The following STK3 variants were observed in gnomAD, a reference collection of about 807,000 sequenced individuals.
STK3 encodes the protein serine/threonine kinase 3.
In STK3, 41 loss-of-function variants were observed where a neutral mutation model predicts 58.0. That is an observed-to-expected ratio of 0.71 (90% confidence interval 0.55 to 0.92). STK3 has a LOEUF of 0.92. Ranked by LOEUF, STK3 falls within the 40% of genes least tolerant of loss-of-function variation. The pLI, the probability that STK3 is intolerant of heterozygous loss-of-function variation, is 0.00. For missense variants in STK3, 479 were observed against 602.7 expected, an observed-to-expected ratio of 0.79 and a Z score of 2.15; for synonymous variants, 170 against 191.0, an observed-to-expected ratio of 0.89 and a Z score of 0.91.
intron 6 of STK3, among the ~76,000 whole-genome samples, chr8:98,610,165 T>A (rs1817078621): frequency 6.8e-6 from 1 of 147,110 alleles, no homozygotes; most frequent in Admixed American, 6.8e-5. Context: ...AAAGGAACTA[T>A]CTGGAATGTA....
the STK3 span, among the ~76,000 whole-genome samples, chr8:98,348,473 G>A: frequency 6.6e-6 from 1 of 152,182 alleles, no homozygotes; most frequent in South Asian, 2.1e-4. Flanking sequence ...TCAAGAGAAT[G>A]AGAAGACAAA....
chr8:98,824,668 C>G (rs1835137941), intron 1 of STK3, among the ~76,000 whole-genome samples: 1 of 152,186 alleles, frequency 6.6e-6, no homozygotes, highest in Non-Finnish European at 1.5e-5. Context: ...TCTAGTCACA[C>G]AATTCACAAT....
intron 3 of STK3, among the ~76,000 whole-genome samples, chr8:98,755,861 G>T (rs1180398791): frequency 6.6e-6 from 1 of 152,170 alleles, no homozygotes; most frequent in African/African-American, 2.4e-5. Context: ...AAAGAAGCAG[G>T]CCGGGCACGG....
chr8:98,367,740 A>G (rs1459011990), downstream of STK3, among the ~76,000 whole-genome samples: 1 of 152,236 alleles, frequency 6.6e-6, no homozygotes, highest in Admixed American at 6.5e-5. Context: ...GTGAAAGAAG[A>G]CAGCCTTTCG....
At chr8:98,856,232 G>T (rs918520911) in intron 3 of STK3, among the ~76,000 whole-genome samples, 1 of 150,244 alleles carries the variant, frequency 6.7e-6, no homozygotes, top group Non-Finnish European at 1.5e-5. Context: ...GGAGGCTGAG[G>T]TCTCAACCTG....
intron 10 of STK3, among the ~76,000 whole-genome samples, chr8:98,480,602 C>G (rs1481931259): frequency 6.6e-6 from 1 of 152,066 alleles, no homozygotes; most frequent in Non-Finnish European, 1.5e-5. Context: ...TTCAAATAGA[C>G]CATGGAACTG....
intron 1 of STK3, among the ~76,000 whole-genome samples, chr8:98,887,480 C>CTT (rs1838035213): frequency 6.6e-6 from 1 of 152,168 alleles, no homozygotes; most frequent in Non-Finnish European, 1.5e-5. Context: ...TTCTGTGAAT[C>CTT]TATAATGGCT....
At chr8:98,605,536 T>C (rs1210785913) in intron 6 of STK3, among the ~76,000 whole-genome samples, 1 of 151,546 alleles carries the variant, frequency 6.6e-6, no homozygotes, top group African/African-American at 2.4e-5. Context: ...TGCCCATTTA[T>C]GGTGATAACA....
At chr8:98,599,875 G>C (rs4498510) in intron 6 of STK3, among the ~76,000 whole-genome samples, 6 of 152,066 alleles carry the variant, frequency 3.9e-5, no homozygotes, top group African/African-American at 1.4e-4. Context: ...GGTGGCTGAG[G>C]CAGAATTGCT....
chr8:98,536,124 G>C (rs754449497), intron 9 of STK3, among the ~76,000 whole-genome samples: 18 of 152,098 alleles, frequency 1.2e-4, no homozygotes, highest in Non-Finnish European at 2.1e-4. Context: ...TCCCAATCAG[G>C]AGCTTCTAAC....
chr8:98,423,183 C>T (rs116825120), intron 3 of STK3, among the ~76,000 whole-genome samples: 2,112 of 152,320 alleles, frequency 0.014, 47 homozygotes, highest in African/African-American at 0.049. Context: ...CTCATTCATT[C>T]GTCATCCAAT....
chr8:98,479,496 G>C (rs191549967), intron 10 of STK3, among the ~76,000 whole-genome samples: 1,539 of 96,230 alleles, frequency 0.016, 269 homozygotes, highest in Non-Finnish European at 0.022. Context: ...CGGGGGGGGG[G>C]GGGGGGCGGG....
chr8:98,680,240 G>GA (rs1226969572), intron 6 of STK3, among the ~76,000 whole-genome samples: 2 of 152,158 alleles, frequency 1.3e-5, no homozygotes, highest in Admixed American at 6.5e-5. Flanking sequence ...TAGATACTGT[G>GA]AAAAAATGGA....
intron 6 of STK3, among the ~76,000 whole-genome samples, chr8:98,664,825 G>A (rs928426597): frequency 2.0e-5 from 3 of 151,898 alleles, no homozygotes; most frequent in Non-Finnish European, 4.4e-5. Context: ...GCTTGAACCC[G>A]GGAGGCGGAG....
At chr8:98,863,179 T>C (rs1029079311) in intron 3 of STK3, among the ~76,000 whole-genome samples, 1 of 152,222 alleles carries the variant, frequency 6.6e-6, no homozygotes, top group Non-Finnish European at 1.5e-5. Context: ...AACATCAAGA[T>C]AATATGAAGT....
At chr8:98,772,575 T>A (rs1240338201) in intron 2 of STK3, among the ~76,000 whole-genome samples, 1 of 152,078 alleles carries the variant, frequency 6.6e-6, no homozygotes, top group African/African-American at 2.4e-5. Flanking sequence ...GGCAGGCACC[T>A]GTAATCCCAG....
chr8:98,774,243 T>C (rs970381497), intron 2 of STK3, among the ~76,000 whole-genome samples: 1 of 152,210 alleles, frequency 6.6e-6, no homozygotes, highest in African/African-American at 2.4e-5. Context: ...CCTACCTTTC[T>C]CTCTGCTCAA....
At chr8:98,653,638 T>C (rs1246796953) in intron 6 of STK3, among the ~76,000 whole-genome samples, 1 of 151,998 alleles carries the variant, frequency 6.6e-6, no homozygotes, top group African/African-American at 2.4e-5. Flanking sequence ...CAATAAAAAA[T>C]GATAAAGGGG....
chr8:98,394,303 A>C (rs1321002213), intron 3 of STK3, among the ~76,000 whole-genome samples: 2 of 152,336 alleles, frequency 1.3e-5, no homozygotes, highest in East Asian at 3.9e-4. Flanking sequence ...ATGTAATTTT[A>C]ACATTACATC....
Sources: allele counts gnomAD v4.1 joint callset (sites outside exome capture counted in the v4.1 genomes callset), GRCh38; gene constraint gnomAD v4.1.1; transcripts MANE v1.5; gene names NCBI Gene and HGNC (gene_info 2026-07-23, HGNC 2026-07-21).